The following RBFOX3 variants were observed in gnomAD, a reference collection of about 807,000 sequenced individuals.
RBFOX3 encodes RNA binding fox-1 homolog 3, also known as RNA binding protein fox-1 homolog 3.
In RBFOX3, 17 loss-of-function variants were observed where a neutral mutation model predicts 48.7. The ratio of observed to expected loss-of-function variants is 0.35; its 90% CI spans 0.24 to 0.52. The LOEUF is 0.52. RBFOX3 is among the 20% of genes least tolerant of loss of function. The pLI, the probability that RBFOX3 is intolerant of heterozygous loss-of-function variation, is 0.94. For synonymous variants in RBFOX3, 212 were observed against 209.5 expected, an observed-to-expected ratio of 1.01 and a Z score of -0.10; for missense variants, 382 against 497.5, an observed-to-expected ratio of 0.77 and a Z score of 2.21.
the RBFOX3 span, among the ~76,000 whole-genome samples, chr17:79,621,682 C>A: frequency 6.6e-6 from 1 of 152,172 alleles, no homozygotes. Flanking sequence ...GGGAGTCGTG[C>A]ATGTCACTAA....
At chr17:79,494,404 A>G (rs1186394350) in intron 1 of RBFOX3, among the ~76,000 whole-genome samples, 2 of 152,224 alleles carry the variant, frequency 1.3e-5, no homozygotes, top group Admixed American at 6.5e-5. Flanking sequence ...AAACTTCCAC[A>G]GCTTGCCTGT....
intron 1 of RBFOX3, among the ~76,000 whole-genome samples, chr17:79,532,983 G>C (rs1203673302): frequency 3.3e-5 from 5 of 152,250 alleles, no homozygotes; most frequent in Non-Finnish European, 7.3e-5. Context: ...GCTGTCCCCA[G>C]CTGGACTCAG....
chr17:79,377,596 G>A (rs1479890062), intron 2 of RBFOX3, among the ~76,000 whole-genome samples: 5 of 152,320 alleles, frequency 3.3e-5, no homozygotes, highest in South Asian at 2.1e-4. Context: ...GCACTCAGGC[G>A]GTTCCACGGT....
intron 4 of RBFOX3, among the ~76,000 whole-genome samples, chr17:79,146,715 G>A (rs1599665728): frequency 6.6e-6 from 1 of 152,208 alleles, no homozygotes; most frequent in Admixed American, 6.5e-5. Context: ...CCTGCCCAGG[G>A]CCCAGAAAAG....
chr17:79,184,518 C>T lies in RBFOX3; in HGVS notation c.-34+51248G>A, dbSNP rs532484264. Among the ~76,000 whole-genome samples the T allele has an allele frequency of 1.3e-4, 20 of 151,690 alleles. No individual in the cohort carries two copies. In the East Asian group the frequency reaches 3.1e-3, roughly 24 times the overall value. On this transcript the variant is annotated intron_variant, in intron 4 of 14. Transcript: ENST00000693108. Reference sequence around the variant, plus strand: ...CACACACACACCCACTGGCCTGCCCCGAGTCCACACTCACCAGAGGCCCCG... The same window carrying T: ...CACACACACACCCACTGGCCTGCCCTGAGTCCACACTCACCAGAGGCCCCG...
intron 1 of RBFOX3, among the ~76,000 whole-genome samples, chr17:79,583,801 C>T (rs2093153790): frequency 6.6e-6 from 1 of 152,242 alleles, no homozygotes; most frequent in Non-Finnish European, 1.5e-5. Flanking sequence ...TAGCCAAAGC[C>T]TGTGAACCCA....
chr17:79,329,985 C>T (rs528132797), intron 2 of RBFOX3, among the ~76,000 whole-genome samples: 1 of 152,290 alleles, frequency 6.6e-6, no homozygotes, highest in East Asian at 1.9e-4. Context: ...TAAGTCACAG[C>T]CAGAAAACAG....
intron 1 of RBFOX3, among the ~76,000 whole-genome samples, chr17:79,520,261 G>C (rs1056313545): frequency 6.6e-6 from 1 of 152,230 alleles, no homozygotes; most frequent in South Asian, 2.1e-4. Context: ...TGACGAGGCA[G>C]CAGGGCAGGA....
intron 2 of RBFOX3, among the ~76,000 whole-genome samples, chr17:79,441,061 C>T (rs1250532657): frequency 1.3e-5 from 2 of 152,180 alleles, no homozygotes; most frequent in Admixed American, 6.5e-5. Flanking sequence ...GGAGAGGATG[C>T]CGAGTGGATC....
At chr17:79,130,311 C>T (rs761821647) in intron 4 of RBFOX3, among the ~76,000 whole-genome samples, 7 of 152,208 alleles carry the variant, frequency 4.6e-5, no homozygotes, top group Non-Finnish European at 8.8e-5. Context: ...CCTGCCCCCG[C>T]CCCTCAGACC....
intron 2 of RBFOX3, among the ~76,000 whole-genome samples, chr17:79,359,733 AT>A (rs34738864): frequency 0.41 from 61,345 of 148,122 alleles, 12,542 homozygotes; most frequent in South Asian, 0.48. Flanking sequence ...AATTTGGGTC[AT>A]TTTTTTTTTT....
intron 4 of RBFOX3, among the ~76,000 whole-genome samples, chr17:79,141,470 C>A (rs1472902314): frequency 6.6e-6 from 1 of 152,122 alleles, no homozygotes; most frequent in Non-Finnish European, 1.5e-5. Flanking sequence ...TCACAAGAAG[C>A]CAGTGTTAAA....
intron 4 of RBFOX3, among the ~76,000 whole-genome samples, chr17:79,226,133 A>G (rs2147598234): frequency 6.6e-6 from 1 of 152,324 alleles, no homozygotes; most frequent in South Asian, 2.1e-4. Context: ...GGATATGTCT[A>G]GCTATTTGGG....
intron 1 of RBFOX3, among the ~76,000 whole-genome samples, chr17:79,485,330 C>T (rs2079412177): frequency 6.6e-6 from 1 of 152,146 alleles, no homozygotes; most frequent in Admixed American, 6.5e-5. Flanking sequence ...CCCATGCTGC[C>T]CAGCCTGGCA....
intron 4 of RBFOX3, among the ~76,000 whole-genome samples, chr17:79,177,005 G>A (rs979062890): frequency 6.6e-6 from 1 of 152,138 alleles, no homozygotes; most frequent in South Asian, 2.1e-4. Context: ...GGTCTGGGTC[G>A]GAATCCACTG....
intron 2 of RBFOX3, among the ~76,000 whole-genome samples, chr17:79,327,769 C>A (rs2079555200): frequency 6.6e-6 from 1 of 152,202 alleles, no homozygotes; most frequent in African/African-American, 2.4e-5. Context: ...AGTCTTGGCT[C>A]ACTGCAACCT....
At chr17:79,416,097 C>T (rs872016) in intron 2 of RBFOX3, among the ~76,000 whole-genome samples, 35,844 of 152,152 alleles carry the variant, frequency 0.24, 4,353 homozygotes, top group Middle Eastern at 0.33. Context: ...GGAGTCCTTC[C>T]AGCACCCCCA....
intron 2 of RBFOX3, among the ~76,000 whole-genome samples, chr17:79,402,837 T>C (rs2062987515): frequency 6.6e-6 from 1 of 152,166 alleles, no homozygotes; most frequent in African/African-American, 2.4e-5. Flanking sequence ...CTCAGTTTTC[T>C]CATCTCTACT....
At chr17:79,306,190 G>A (rs2076067554) in intron 3 of RBFOX3, among the ~76,000 whole-genome samples, 1 of 152,222 alleles carries the variant, frequency 6.6e-6, no homozygotes, top group Admixed American at 6.5e-5. Flanking sequence ...AGCTCTGCCA[G>A]TTCCCAGCTG....
Sources: gnomAD v4.1 joint callset for allele counts (sites outside exome capture counted in the v4.1 genomes callset) on GRCh38, gnomAD v4.1.1 for gene constraint, MANE v1.5 for transcripts, NCBI Gene and HGNC (gene_info 2026-07-23, HGNC 2026-07-21) for gene names.